Variants in JAK1 observed in about 807,000 individuals in gnomAD.
JAK1 encodes the protein Janus kinase 1, also known as tyrosine-protein kinase JAK1.
A neutral mutation model predicts 136.6 loss-of-function variants in JAK1; 16 were observed. That is an observed-to-expected ratio of 0.12 (90% CI 0.08 to 0.18). The LOEUF (loss-of-function observed/expected upper bound fraction) is 0.18, where lower values mean the gene tolerates loss of function less well. Ranked by LOEUF, JAK1 falls within the 10% of genes least tolerant of loss-of-function variation. The probability of loss-of-function intolerance (pLI) is 1.00; values close to 1 mark genes in which losing one functional copy is unlikely to be tolerated. For synonymous variants in JAK1, 492 were observed against 519.5 expected (o/e 0.95, Z 0.72); for missense variants, 859 against 1,450.1 (o/e 0.59, Z 6.62).
In JAK1 at chr1:64,838,714, TG is replaced by T. The variant is rs1654651883; in HGVS notation, c.2843-126del. ...CAGCTTCGCCCCTTCATTACAGGCA[TG>T]TTACTTGACCTCTTATGCCTCAAGA... On this transcript the variant is annotated intron_variant, in intron 20 of 24. Transcript: ENST00000342505. The T allele has an allele frequency of 1.3e-5, 11 of 861,456 alleles. No homozygotes were observed. The South Asian group carries it at 1.9e-4, about 15-fold the overall frequency. 53.4% of individuals were successfully genotyped at this position (861,456 alleles called of 1,614,324 possible). A position where few individuals can be genotyped will look rare whatever the true frequency, so the allele number is the denominator to read the frequency against.
chr1:64,834,738 A>AAAT, intron 24 of JAK1, 81 bp from the exon 25 acceptor site: 2 of 934,580 alleles, frequency 2.1e-6, no homozygotes, highest in East Asian at 4.9e-5. Flanking sequence ...AAGAGTAAGA[A>AAAT]AATAATTTTG....
chr1:65,034,978 C>T (rs1647059921), intron 2 of JAK1, among the ~76,000 whole-genome samples: 1 of 152,078 alleles, frequency 6.6e-6, no homozygotes, highest in Non-Finnish European at 1.5e-5. Context: ...ATTGTTTGAA[C>T]CTGGGAGGCG....
rs557910204 is a variant in JAK1, at chr1:64,859,470, A to G, written c.1334+635T>C. Among the ~76,000 whole-genome samples the G allele has an allele frequency of 3.3e-4, 50 of 152,310 alleles. 1 individual carries two copies. Among genetic ancestry groups the G allele is most frequent in the Admixed American group, 1.6e-3 (25 of 15,296 alleles). On this transcript the variant is annotated intron_variant, in intron 9 of 24. Transcript: ENST00000342505. The stretch of plus-strand genomic sequence containing the variant: ...CAGAGGTACTTCAGCACAGGCTGCC[A>G]GTTCTGAGATGCAGGTGGGACAAGG...
chr1:65,025,205 A>G (rs476527), intron 2 of JAK1, among the ~76,000 whole-genome samples: 34,685 of 152,052 alleles, frequency 0.23, 5,096 homozygotes, highest in East Asian at 0.38. Flanking sequence ...AGACCAATCC[A>G]AACTGCAGTG....
intron 1 of JAK1, among the ~76,000 whole-genome samples, chr1:64,924,152 T>G (rs10889503): frequency 0.59 from 90,048 of 152,048 alleles, 31,373 homozygotes; most frequent in Middle Eastern, 0.82. Flanking sequence ...TGGCAAGTGA[T>G]TTATAAAAAT....
intron 1 of JAK1, among the ~76,000 whole-genome samples, chr1:64,950,149 C>G (rs555469480): frequency 6.6e-6 from 1 of 152,226 alleles, no homozygotes; most frequent in South Asian, 2.1e-4. Flanking sequence ...GTGGCTTACA[C>G]CTGCAATCCC....
At chr1:65,011,222 T>C (rs1646846068) in intron 2 of JAK1, among the ~76,000 whole-genome samples, 1 of 152,134 alleles carries the variant, frequency 6.6e-6, no homozygotes. Context: ...ATGCCTGTAA[T>C]CTCAGCACTT....
At chr1:65,048,863 A>G (rs1647215386) in intron 1 of JAK1, among the ~76,000 whole-genome samples, 1 of 152,144 alleles carries the variant, frequency 6.6e-6, no homozygotes. Flanking sequence ...GAGCAGCTGT[A>G]CGAGGAAGGG....
At chr1:64,896,891 T>C (rs550768745) in intron 1 of JAK1, among the ~76,000 whole-genome samples, 3 of 152,280 alleles carry the variant, frequency 2.0e-5, no homozygotes, top group Admixed American at 2.0e-4. Context: ...GTAGCTGGCT[T>C]TGAATAATTT....
rs565648053 is a variant in JAK1 at position 64,841,265 on chromosome 1, T to G, written c.2629A>C (p.Arg877=). 9.2e-5 allele frequency: 149 copies of G among 1,614,044 alleles called. 1 individual carries two copies. In the Middle Eastern group the frequency reaches 4.0e-3, roughly 43 times the overall value. Residue 877 remains arginine, a synonymous_variant, in exon 19 of 25, where the codon AGG becomes CGG. Coordinates refer to ENST00000342505, the MANE Select transcript of JAK1 (RefSeq NM_002227.4). ...PTHFEKRFLK[R]IRDLGEGHFG... is the part of the protein sequence containing the mutation. ...CTTACCTCTCCCAAGTCACGGATCC[T>G]CTTTAGGAAGCGCTTTTCAAAATGT...
At chr1:65,052,315 T>C (rs1041458585) in intron 1 of JAK1, among the ~76,000 whole-genome samples, 4 of 151,926 alleles carry the variant, frequency 2.6e-5, no homozygotes, top group African/African-American at 4.8e-5. Context: ...GAAAGAAAAA[T>C]ACAAAATGGA....
intron 1 of JAK1, among the ~76,000 whole-genome samples, chr1:64,888,091 G>C (rs1202368369): frequency 6.6e-6 from 1 of 152,182 alleles, no homozygotes; most frequent in East Asian, 1.9e-4. Flanking sequence ...AGGACAGGAA[G>C]AGAACTGTAA....
At chr1:64,974,866 TTTTTG>T (rs1198795780) in intron 2 of JAK1, among the ~76,000 whole-genome samples, 1 of 152,116 alleles carries the variant, frequency 6.6e-6, no homozygotes, top group Non-Finnish European at 1.5e-5. Flanking sequence ...CTCTTTTCTT[TTTTTG>T]TTTTGTTTTG....
chr1:64,887,165 T>C (rs561054924), intron 1 of JAK1, among the ~76,000 whole-genome samples: 1 of 152,190 alleles, frequency 6.6e-6, no homozygotes. Context: ...TTGTTAGCTC[T>C]GGTGACTGAC....
intron 10 of JAK1, 90 bp downstream of exon 10, chr1:64,857,566 G>A: frequency 1.3e-6 from 2 of 1,536,820 alleles, no homozygotes; most frequent in Non-Finnish European, 1.8e-6. Context: ...ACCCTGCCAA[G>A]GGTGGTTCTG....
chr1:64,919,002 C>T (rs1645447687), intron 1 of JAK1, among the ~76,000 whole-genome samples: 1 of 151,958 alleles, frequency 6.6e-6, no homozygotes, highest in South Asian at 2.1e-4. Context: ...ATTAATTTCA[C>T]CTGGCTCCTT....
chr1:64,936,391 A>G (rs1295329634), intron 1 of JAK1, among the ~76,000 whole-genome samples: 2 of 152,208 alleles, frequency 1.3e-5, no homozygotes, highest in East Asian at 1.9e-4. Context: ...GCACCCTCCA[A>G]TGCAAGGTAG....
chr1:64,913,522 T>C (rs1278101280), intron 1 of JAK1, among the ~76,000 whole-genome samples: 5 of 151,460 alleles, frequency 3.3e-5, no homozygotes, highest in East Asian at 1.9e-4. Flanking sequence ...CAGACACTAA[T>C]AGAACTGACT....
intron 19 of JAK1, among the ~76,000 whole-genome samples, chr1:64,840,225 C>T (rs1389666031): frequency 6.6e-6 from 1 of 152,168 alleles, no homozygotes; most frequent in Non-Finnish European, 1.5e-5. Context: ...CACCTGACAG[C>T]GACAGTGGTG....
Sources: allele counts gnomAD v4.1 joint callset (sites outside exome capture counted in the v4.1 genomes callset), GRCh38; gene constraint gnomAD v4.1.1; transcripts MANE v1.5; gene names NCBI Gene and HGNC (gene_info 2026-07-23, HGNC 2026-07-21).